STAG1: variants seen among roughly 807,000 people sequenced by gnomAD.
The protein encoded by STAG1 is cohesin subunit SA-1.
In STAG1, 26 loss-of-function variants were observed where a neutral mutation model predicts 170.9. That is an observed-to-expected ratio of 0.15 (90% CI 0.11 to 0.21). The LOEUF is 0.21. STAG1 is among the 10% of genes least tolerant of loss of function. STAG1 has a pLI of 1.00. For missense variants in STAG1, 964 were observed against 1,509.5 expected, an observed-to-expected ratio of 0.64 and a Z score of 5.99; for synonymous variants, 514 against 497.7, an observed-to-expected ratio of 1.03 and a Z score of -0.44.
At chr3:136,622,135 T>TAAAAAAAAA (rs75542452) in intron 3 of STAG1, among the ~76,000 whole-genome samples, 2 of 92,816 alleles carry the variant, frequency 2.2e-5, no homozygotes, top group Non-Finnish European at 4.0e-5. Context: ...CCATCTCTAC[T>TAAAAAAAAA]AAAAAAAAAA....
chr3:136,733,496 A>G (rs1934159587), intron 1 of STAG1, among the ~76,000 whole-genome samples: 1 of 152,050 alleles, frequency 6.6e-6, no homozygotes, highest in Non-Finnish European at 1.5e-5. Context: ...TATTATTCCC[A>G]TTTTACAGAT....
chr3:136,582,029 A>G (rs1156661453), intron 4 of STAG1, among the ~76,000 whole-genome samples: 2 of 152,212 alleles, frequency 1.3e-5, no homozygotes, highest in East Asian at 3.8e-4. Context: ...AGTAATAAAC[A>G]TTATTTTAAA....
rs2089677748 is a variant in STAG1 at position 136,473,682 on chromosome 3, T to C, written c.1027-45A>G. ...AGCACAACAGAAGGAGTCAATTCCA[T>C]ACTACAATTTTCAAGTCTATATGAA... On this transcript the variant is annotated intron_variant, in intron 10 of 33. Coordinates refer to ENST00000383202, the MANE Select transcript of STAG1 (RefSeq NM_005862.3). The C allele has an allele frequency of 2.1e-6, 3 of 1,439,572 alleles. No individual in the cohort carries two copies. In the Admixed American group the frequency reaches 5.3e-5, roughly 25 times the overall value. The allele number at this position is 1,439,572 out of a possible 1,614,324, so 89.2% of individuals were successfully genotyped here.
intron 4 of STAG1, among the ~76,000 whole-genome samples, chr3:136,595,570 A>G (rs1576646065): frequency 2.0e-5 from 3 of 151,850 alleles, no homozygotes. Context: ...CCAGCTGCTC[A>G]GGAGGCTGAG....
intron 3 of STAG1, among the ~76,000 whole-genome samples, chr3:136,607,224 C>A (rs1450688995): frequency 6.6e-6 from 1 of 152,102 alleles, no homozygotes; most frequent in Admixed American, 6.6e-5. Flanking sequence ...CTATGTATAG[C>A]CCACATTTAA....
At chr3:136,723,143 C>G (rs1933405002) in intron 1 of STAG1, among the ~76,000 whole-genome samples, 2 of 152,222 alleles carry the variant, frequency 1.3e-5, no homozygotes, top group African/African-American at 2.4e-5. Context: ...GCATCTCTGC[C>G]CGGCCGCCCA....
chr3:136,383,215 C>G (rs1938072964), intron 22 of STAG1, among the ~76,000 whole-genome samples: 1 of 152,028 alleles, frequency 6.6e-6, no homozygotes, highest in Non-Finnish European at 1.5e-5. Context: ...AGTAAGAAAA[C>G]AAAGAAGTCT....
At chr3:136,492,595 A>C (rs918473261) in intron 9 of STAG1, among the ~76,000 whole-genome samples, 5 of 152,212 alleles carry the variant, frequency 3.3e-5, no homozygotes, top group Non-Finnish European at 5.9e-5. Flanking sequence ...GCAGAATGGT[A>C]ATCTCTGAGA....
At chr3:136,736,523 T>A (rs1934343484) in intron 1 of STAG1, 10 of 1,450,634 alleles carry the variant, frequency 6.9e-6, no homozygotes, top group African/African-American at 1.4e-5. Flanking sequence ...TTACTTTCGG[T>A]GGTCTCAGGA....
At chr3:136,464,805 T>A in intron 13 of STAG1, 76 bp downstream of exon 13, 1 of 1,242,724 alleles carries the variant, frequency 8.0e-7, no homozygotes, top group Non-Finnish European at 1.1e-6. Context: ...TCACTATTAC[T>A]CTCTTCTACA....
chr3:136,380,795 G>A (rs1439722258), intron 22 of STAG1, among the ~76,000 whole-genome samples: 4 of 151,758 alleles, frequency 2.6e-5, no homozygotes, highest in East Asian at 2.0e-4. Flanking sequence ...TGAGGTTGGC[G>A]GATCATCTGA....
chr3:136,474,473 T>C (rs1244148673), intron 10 of STAG1, among the ~76,000 whole-genome samples: 3 of 152,196 alleles, frequency 2.0e-5, no homozygotes, highest in Non-Finnish European at 4.4e-5. Context: ...AGAGATATGC[T>C]GGTAAAAGTT....
In STAG1 at chr3:136,400,468, A is replaced by G. The variant is rs543516554; in HGVS notation, c.2197-1639T>C. 2.3e-4 allele frequency among the ~76,000 whole-genome samples: 35 copies of G among 151,326 alleles called. No individual in the cohort carries two copies. In the South Asian group the frequency reaches 6.7e-3, roughly 29 times the overall value. ...ACTTCTGAGATCAGGCAATCTGCCC[A>G]CCTCTGCCTCCCAAAGTGCTAGGAC... On this transcript the variant is annotated intron_variant, in intron 21 of 33. Coordinates refer to ENST00000383202, the MANE Select transcript of STAG1 (RefSeq NM_005862.3).
At chr3:136,525,126 G>C (rs945041668) in intron 6 of STAG1, among the ~76,000 whole-genome samples, 1 of 152,170 alleles carries the variant, frequency 6.6e-6, no homozygotes, top group South Asian at 2.1e-4. Flanking sequence ...AGTTAGAGAG[G>C]ATTCCCTCTT....
At chr3:136,433,363 G>C (rs1311635671) in intron 16 of STAG1, among the ~76,000 whole-genome samples, 193 bp downstream of exon 16, 1 of 151,950 alleles carries the variant, frequency 6.6e-6, no homozygotes, top group African/African-American at 2.4e-5. Context: ...AGGTGCTATG[G>C]GAGCATGAAG....
intron 1 of STAG1, among the ~76,000 whole-genome samples, chr3:136,690,952 T>C (rs1007214116): frequency 1.3e-5 from 2 of 151,040 alleles, no homozygotes; most frequent in Non-Finnish European, 2.9e-5. Flanking sequence ...AACGGGGCAA[T>C]GTTATCTCGA....
At chr3:136,453,545 C>T (rs904794468) in intron 13 of STAG1, among the ~76,000 whole-genome samples, 13 of 149,348 alleles carry the variant, frequency 8.7e-5, no homozygotes, top group African/African-American at 2.5e-4. Context: ...AAGCCGAGAT[C>T]GCGCCACTGC....
chr3:136,686,257 T>C (rs1942516252), intron 1 of STAG1, among the ~76,000 whole-genome samples: 1 of 152,196 alleles, frequency 6.6e-6, no homozygotes, highest in Non-Finnish European at 1.5e-5. Context: ...GATTTTCACA[T>C]TTTTCCCTTT....
At chr3:136,449,900 CTT>C (rs34077581) in intron 14 of STAG1, among the ~76,000 whole-genome samples, 87 of 126,460 alleles carry the variant, frequency 6.9e-4, no homozygotes, top group Non-Finnish European at 5.5e-4. Context: ...ACTATTGTTG[CTT>C]TTTTTTTTTT....
Sources: allele counts gnomAD v4.1 joint callset (sites outside exome capture counted in the v4.1 genomes callset), GRCh38; gene constraint gnomAD v4.1.1; transcripts MANE v1.5; gene names NCBI Gene and HGNC (gene_info 2026-07-23, HGNC 2026-07-21).